NAV3: variants seen among roughly 807,000 people sequenced by gnomAD.
NAV3 encodes the protein neuron navigator 3.
In NAV3, 87 loss-of-function variants were observed where a neutral mutation model predicts 244.7. That is an observed-to-expected ratio of 0.36 (90% CI 0.30 to 0.42). NAV3 has a LOEUF of 0.42. Ranked by LOEUF, NAV3 falls within the 20% of genes least tolerant of loss-of-function variation. The pLI is 1.00. For synonymous variants in NAV3, 1,126 were observed against 1,042.2 expected, an observed-to-expected ratio of 1.08 and a Z score of -1.55; for missense variants, 2,663 against 2,893.3, an observed-to-expected ratio of 0.92 and a Z score of 1.83.
intron 2 of NAV3, among the ~76,000 whole-genome samples, chr12:77,819,492 C>G (rs1872647591): frequency 6.7e-6 from 1 of 150,288 alleles, no homozygotes; most frequent in Non-Finnish European, 1.5e-5. Flanking sequence ...CTTCAATTCA[C>G]TAAAATGTAG....
chr12:77,700,963 A>G (rs1186373799), intron 2 of NAV3, among the ~76,000 whole-genome samples: 2 of 151,478 alleles, frequency 1.3e-5, no homozygotes, highest in African/African-American at 4.8e-5. Flanking sequence ...ACTTTCTAAT[A>G]TTTCATTAAA....
chr12:77,855,688 G>A (rs901880135), intron 1 of NAV3, among the ~76,000 whole-genome samples: 1 of 152,144 alleles, frequency 6.6e-6, no homozygotes, highest in Non-Finnish European at 1.5e-5. Flanking sequence ...CTTGCTGCTC[G>A]TGGGCACTCT....
chr12:78,171,684 G>GA (rs1473113143), intron 24 of NAV3, among the ~76,000 whole-genome samples: 35 of 151,566 alleles, frequency 2.3e-4, no homozygotes, highest in African/African-American at 8.4e-4. Flanking sequence ...TAGTCAGTTG[G>GA]ACTAATTATG....
At chr12:77,923,718 T>C (rs1887929224) in intron 1 of NAV3, among the ~76,000 whole-genome samples, 1 of 152,128 alleles carries the variant, frequency 6.6e-6, no homozygotes, top group Admixed American at 6.6e-5. Context: ...CAGTGGAAAC[T>C]TGACCAACAA....
At chr12:77,931,912 T>TTG (rs10618242) in intron 1 of NAV3, among the ~76,000 whole-genome samples, 25 of 150,574 alleles carry the variant, frequency 1.7e-4, no homozygotes, top group South Asian at 6.3e-4. Flanking sequence ...GCGTGTGTGT[T>TTG]TGTGTGTGTG....
At chr12:77,652,841 C>T (rs1288975147) in intron 2 of NAV3, among the ~76,000 whole-genome samples, 1 of 152,188 alleles carries the variant, frequency 6.6e-6, no homozygotes, top group East Asian at 1.9e-4. Flanking sequence ...CAGTGTTTGT[C>T]AGTTTACAAA....
At position 78,199,324 on chromosome 12, in the gene NAV3, TC is replaced by T; in HGVS notation, c.6519-10del. On this transcript the variant is annotated splice_polypyrimidine_tract_variant and intron_variant, in intron 36 of 39. Coordinates refer to ENST00000397909, the MANE Select transcript of NAV3 (RefSeq NM_001024383.2). ...TTATATAAAAATGTCTGATTTTTTT[TC>T]TTTTTGTAGGTGGGTATTATGTGCA... is the stretch of plus-strand genomic sequence containing the variant. The T allele has an allele frequency of 6.4e-7, 1 of 1,569,656 alleles. No homozygotes were observed. The highest frequency in any genetic ancestry group is 2.3e-5 in the East Asian group (1 of 44,262).
At chr12:77,966,160 C>G (rs573917363) in intron 3 of NAV3, 69 bp from the exon 4 acceptor site, 3 of 1,273,800 alleles carry the variant, frequency 2.4e-6, no homozygotes, top group Admixed American at 3.4e-5. Flanking sequence ...TTTCTGGTTT[C>G]ATTTTGGCAC....
intron 16 of NAV3, among the ~76,000 whole-genome samples, chr12:78,122,908 TAAAAAA>T (rs61235295): frequency 6.9e-6 from 1 of 144,286 alleles, no homozygotes. Flanking sequence ...TTGGCCTGGT[TAAAAAA>T]AAAAAAAAAA....
chr12:78,189,461 A>C (rs901802892), intron 33 of NAV3, among the ~76,000 whole-genome samples: 3 of 151,640 alleles, frequency 2.0e-5, no homozygotes, highest in Non-Finnish European at 3.0e-5. Context: ...TGTATTCTTC[A>C]AAAGCTTGAG....
At position 78,211,520 on chromosome 12, in the gene NAV3, G is replaced by A. The variant is rs929391316; in HGVS notation, c.*1003G>A. The A allele has an allele frequency of 7.2e-6, 1 of 139,502 alleles. No homozygotes were observed. The highest frequency in any genetic ancestry group is 2.6e-5 in the African/African-American group (1 of 38,130). The allele number at this position is 139,502 out of a possible 1,614,324, so 8.6% of individuals were successfully genotyped here. On this transcript the variant is annotated 3_prime_UTR_variant, in exon 40 of 40. Transcript: ENST00000397909. ...GATAGGAGAAAGATCAGTATTTTTA[G>A]CCTTGTGAATAGATCGCTTTGCCTA...
intron 1 of NAV3, among the ~76,000 whole-genome samples, chr12:77,833,054 T>C (rs1349245043): frequency 6.6e-6 from 1 of 152,254 alleles, no homozygotes; most frequent in Non-Finnish European, 1.5e-5. Flanking sequence ...CTTTAAGCTT[T>C]ATCCCAGATC....
intron 5 of NAV3, among the ~76,000 whole-genome samples, chr12:77,973,519 C>T (rs1209523056): frequency 6.6e-6 from 1 of 152,120 alleles, no homozygotes; most frequent in Non-Finnish European, 1.5e-5. Context: ...TGTGAAATCC[C>T]CGGGTACACG....
chr12:78,009,983 G>A (rs1874976900), intron 8 of NAV3, among the ~76,000 whole-genome samples: 1 of 152,134 alleles, frequency 6.6e-6, no homozygotes. Context: ...GGGAGGCCAA[G>A]GTGGGAGGAT....
At chr12:78,123,808 A>C (rs74107954) in intron 16 of NAV3, among the ~76,000 whole-genome samples, 2,924 of 152,270 alleles carry the variant, frequency 0.019, 82 homozygotes, top group African/African-American at 0.066. Context: ...GCTATTATAG[A>C]CAGCATACGT....
intron 2 of NAV3, among the ~76,000 whole-genome samples, chr12:77,704,458 CTTGATATCCAAAATAGTA>C (rs1875700032): frequency 6.6e-6 from 1 of 152,152 alleles, no homozygotes; most frequent in South Asian, 2.1e-4. Context: ...TTCCTACTTG[CTTGATATCCAAAATAGTA>C]TTGTGTACGT....
intron 1 of NAV3, among the ~76,000 whole-genome samples, chr12:77,898,354 C>A (rs556181075): frequency 6.6e-6 from 1 of 152,090 alleles, no homozygotes; most frequent in East Asian, 1.9e-4. Flanking sequence ...CATGATCCTA[C>A]TATATTTACA....
At chr12:77,906,352 G>A (rs928684592) in intron 1 of NAV3, among the ~76,000 whole-genome samples, 1 of 152,078 alleles carries the variant, frequency 6.6e-6, no homozygotes, top group African/African-American at 2.4e-5. Flanking sequence ...TTATTGGAAA[G>A]AGCCAGCAGA....
intron 2 of NAV3, among the ~76,000 whole-genome samples, chr12:77,776,468 G>C (rs1870362997): frequency 6.6e-6 from 1 of 152,118 alleles, no homozygotes; most frequent in Non-Finnish European, 1.5e-5. Flanking sequence ...TTTTTTTATA[G>C]AGTTTCTGTC....
Sources: allele counts gnomAD v4.1 joint callset (sites outside exome capture counted in the v4.1 genomes callset), GRCh38; gene constraint gnomAD v4.1.1; transcripts MANE v1.5; gene names NCBI Gene and HGNC (gene_info 2026-07-23, HGNC 2026-07-21).